Variants in RASGRF1 observed in about 807,000 individuals in gnomAD.
The protein encoded by RASGRF1 is Ras protein specific guanine nucleotide releasing factor 1.
RASGRF1 carries 40 observed loss-of-function variants against 138.7 expected under a neutral mutation model. That is an observed-to-expected ratio of 0.29 (90% CI 0.22 to 0.38). The LOEUF (loss-of-function observed/expected upper bound fraction) is 0.38, where lower values mean the gene tolerates loss of function less well. Among genes scored for constraint, RASGRF1 ranks in the 10% least tolerant of loss-of-function variants. The pLI is 1.00. For missense variants in RASGRF1, 1,108 were observed against 1,650.4 expected (o/e 0.67, Z 5.69); for synonymous variants, 614 against 663.2 (o/e 0.93, Z 1.14).
rs2057155348 is a variant in RASGRF1, at chr15:79,032,477, T to C, written c.959-161A>G. Among the ~76,000 whole-genome samples, 1 of 152,190 alleles carries C rather than the reference T, an allele frequency of 6.6e-6. No homozygotes were observed. Among genetic ancestry groups the C allele is most frequent in the South Asian group, 2.1e-4 (1 of 4,832 alleles). ...CTCTTGGGGATGACTCCAGTACCAC[T>C]GCCCTATCCAGTGCTAGTAGGTGGG... On this transcript the variant is annotated intron_variant, in intron 6 of 26. Coordinates refer to ENST00000558480, the MANE Select transcript of RASGRF1 (RefSeq NM_001145648.3). The surrounding 1 kb of genome is among the most constrained non-coding windows in gnomAD (Gnocchi z 4.5).
intron 22 of RASGRF1, chr15:78,986,003 T>C (rs966208813): frequency 1.4e-5 from 2 of 146,754 alleles, no homozygotes; most frequent in Non-Finnish European, 3.0e-5. Flanking sequence ...GAGCTTTCTC[T>C]AGAAAAGTAA....
intron 6 of RASGRF1, among the ~76,000 whole-genome samples, chr15:79,034,076 G>T (rs2057184552): frequency 6.6e-6 from 1 of 152,178 alleles, no homozygotes; most frequent in Admixed American, 6.5e-5. Flanking sequence ...AAAAACACGG[G>T]TCTTTGACTT....
chr15:79,074,636 C>G (rs1455139970), intron 1 of RASGRF1, among the ~76,000 whole-genome samples: 1 of 152,184 alleles, frequency 6.6e-6, no homozygotes, highest in Non-Finnish European at 1.5e-5. Context: ...CACCCAGGCC[C>G]CATAATGCAT....
intron 24 of RASGRF1, among the ~76,000 whole-genome samples, chr15:78,976,076 C>T (rs966545281): frequency 6.6e-6 from 1 of 152,118 alleles, no homozygotes; most frequent in African/African-American, 2.4e-5. Flanking sequence ...GACCAAAGGA[C>T]TCAGAGTGTT....
At chr15:79,031,728 C>T (rs1317191046) in intron 7 of RASGRF1, among the ~76,000 whole-genome samples, 18 of 137,382 alleles carry the variant, frequency 1.3e-4, no homozygotes, top group South Asian at 2.4e-4. Context: ...GCATGGGGTG[C>T]GGGCCAGGGG....
chr15:79,003,430 C>T lies in RASGRF1; in HGVS notation c.2449+372G>A, dbSNP rs186541903. ...GAGCTGCTGACGACCTCTTCTCTCCCGGGCCCTGAATGGGCCTGGCCCAGG... is the reference window on the plus strand; with the variant it reads ...GAGCTGCTGACGACCTCTTCTCTCCTGGGCCCTGAATGGGCCTGGCCCAGG... On this transcript the variant is annotated intron_variant, in intron 15 of 26. Transcript: ENST00000558480. Among the ~76,000 whole-genome samples, 25 of 152,342 alleles carry T rather than the reference C, an allele frequency of 1.6e-4. No homozygotes were observed. The East Asian group carries it at 3.1e-3, about 19-fold the overall frequency.
rs138914321 is a variant in RASGRF1, at chr15:79,078,884, G to A, written c.276+11339C>T. 5.6e-3 allele frequency among the ~76,000 whole-genome samples: 849 copies of A among 152,358 alleles called. 2 individuals carry two copies. The highest frequency in any genetic ancestry group is 9.8e-3 in the Non-Finnish European group (668 of 68,034). ...CAAACCAGCCCAGGAAGAGGCCTGCGGCCAGAGACTGACCTCCTGGGTGCC... is the reference window on the plus strand; with the variant it reads ...CAAACCAGCCCAGGAAGAGGCCTGCAGCCAGAGACTGACCTCCTGGGTGCC... On this transcript the variant is annotated intron_variant, in intron 1 of 26. Coordinates refer to ENST00000558480, the MANE Select transcript of RASGRF1 (RefSeq NM_001145648.3).
At chr15:78,987,501 GC>G (rs1200317651) in intron 22 of RASGRF1, among the ~76,000 whole-genome samples, 3 of 152,090 alleles carry the variant, frequency 2.0e-5, no homozygotes, top group African/African-American at 7.2e-5. Context: ...TTTGAGACCA[GC>G]CTGGGCAACA....
rs900319462 is a variant in RASGRF1, at chr15:79,001,566, C to T, written c.2575+96G>A. ...CTGCTCTTAGGAGTCACTCATAAAG[C>T]ATAAGGGATGACACCCACTTGCCTT... is the stretch of plus-strand genomic sequence containing the variant. On this transcript the variant is annotated intron_variant, in intron 16 of 26. Coordinates refer to ENST00000558480, the MANE Select transcript of RASGRF1 (RefSeq NM_001145648.3). 1.6e-5 allele frequency: 23 copies of T among 1,433,624 alleles called. No individual in the cohort carries two copies. In the East Asian group the frequency reaches 5.7e-4, roughly 35 times the overall value. 88.8% of individuals were successfully genotyped at this position (1,433,624 alleles called of 1,614,324 possible).
At chr15:78,984,528 G>C (rs2056105421) in intron 23 of RASGRF1, 1 of 216,276 alleles carries the variant, frequency 4.6e-6, no homozygotes, top group African/African-American at 2.2e-5. Flanking sequence ...ACACGTTCCA[G>C]GAAGCAGCTA....
In RASGRF1 at chr15:79,032,126, G is replaced by A. The variant is rs1338027910; in HGVS notation, c.1149C>T (p.Phe383=). The A allele has an allele frequency of 6.2e-7, 1 of 1,613,504 alleles. No individual in the cohort carries two copies. Among genetic ancestry groups the A allele is most frequent in the African/African-American group, 1.3e-5 (1 of 74,906 alleles). Residue 383 remains phenylalanine, a synonymous_variant, in exon 7 of 27, where the codon TTC becomes TTT. Transcript: ENST00000558480. The surrounding 1 kb of genome is among the most constrained non-coding windows in gnomAD (Gnocchi z 4.5). ...TLETFLTYPM[F]QIPRYILTLH... ...CCCAGGCAGGGCCGGACGCCACCTG[G>A]AACATGGGGTAGGTGAGGAAGGTCT...
At chr15:79,033,335 C>T (rs769989848) in intron 6 of RASGRF1, among the ~76,000 whole-genome samples, 1 of 152,028 alleles carries the variant, frequency 6.6e-6, no homozygotes, top group East Asian at 1.9e-4. Flanking sequence ...CTCTGCCTCC[C>T]GTGTTCAAGT....
intron 5 of RASGRF1, among the ~76,000 whole-genome samples, chr15:79,039,778 C>CT (rs1473162348): frequency 1.3e-5 from 2 of 151,204 alleles, no homozygotes; most frequent in Non-Finnish European, 2.9e-5. Flanking sequence ...ACTGATTTTT[C>CT]TTTTTTTTTG....
chr15:78,994,827 C>T (rs904632292), intron 20 of RASGRF1, among the ~76,000 whole-genome samples: 4 of 151,982 alleles, frequency 2.6e-5, no homozygotes, highest in African/African-American at 7.2e-5. Flanking sequence ...GGAGAGTTGT[C>T]GCTCTGGAGT....
At chr15:79,058,278 C>A in intron 3 of RASGRF1, 56 bp downstream of exon 3, 1 of 1,575,716 alleles carries the variant, frequency 6.3e-7, no homozygotes, top group East Asian at 2.3e-5. Flanking sequence ...CTGCAGGAGC[C>A]CAGGGTTTGA....
At chr15:78,964,993 C>G (rs1567412534) in intron 26 of RASGRF1, among the ~76,000 whole-genome samples, 3 of 152,098 alleles carry the variant, frequency 2.0e-5, no homozygotes, top group African/African-American at 7.2e-5. Context: ...GCTGTGATTA[C>G]AAGCATGAGC....
intron 24 of RASGRF1, chr15:78,978,296 C>T (rs889257597): frequency 2.7e-5 from 4 of 148,092 alleles, no homozygotes; most frequent in African/African-American, 1.1e-4. Context: ...ACGATCTCAG[C>T]TCGCTGCAAC....
At position 79,003,954 on chromosome 15, in the gene RASGRF1, T is replaced by C; in HGVS notation, c.2297A>G (p.Tyr766Cys). Residue 766 changes from tyrosine (Y) to cysteine (C), a missense_variant, in exon 15 of 27, where the codon TAC becomes TGC. Physicochemically the swap from Tyr to Cys is radical, Grantham distance 194 (BLOSUM62 -2). This residue lies in a region of RASGRF1 where 686 missense variants were observed against 976.7 expected (regional missense o/e 0.70). Transcript: ENST00000558480. Reference sequence around the variant, plus strand: ...TGACATGGCCGAGTACATGCTGGTGTAGCCATTGGAGTTGCAGCTGAGGGC... The same window carrying C: ...TGACATGGCCGAGTACATGCTGGTGCAGCCATTGGAGTTGCAGCTGAGGGC... ...LAALSCNSNG[Y>C]TSMYSAMSPF... 1 of 1,614,106 alleles carries C rather than the reference T, an allele frequency of 6.2e-7. No individual in the cohort carries two copies. The highest frequency in any genetic ancestry group is 8.5e-7 in the Non-Finnish European group (1 of 1,179,958).
intron 22 of RASGRF1, among the ~76,000 whole-genome samples, chr15:78,989,631 C>A (rs1209392866): frequency 6.6e-6 from 1 of 152,114 alleles, no homozygotes; most frequent in Non-Finnish European, 1.5e-5. Flanking sequence ...AGAAGAGGGG[C>A]AGCGAGTGGG....
Sources: allele counts gnomAD v4.1 joint callset (sites outside exome capture counted in the v4.1 genomes callset), GRCh38; gene constraint gnomAD v4.1.1; regional missense constraint gnomAD v4.1.1; non-coding constraint Gnocchi (gnomAD v3.1); transcripts MANE v1.5; gene names NCBI Gene and HGNC (gene_info 2026-07-23, HGNC 2026-07-21).